The following EPS15L1 variants were observed in gnomAD, a reference collection of about 807,000 sequenced individuals.
EPS15L1 encodes the protein epidermal growth factor receptor substrate 15-like 1.
Under a neutral mutation model 117.1 loss-of-function variants are expected in EPS15L1, and 43 were observed. The observed-to-expected ratio is 0.37, with a 90% CI of 0.29 to 0.47. The LOEUF is 0.47. EPS15L1 is among the 20% of genes least tolerant of loss of function. The pLI, the probability that EPS15L1 is intolerant of heterozygous loss-of-function variation, is 0.99. For missense variants in EPS15L1, 981 were observed against 1,164.0 expected (o/e 0.84, Z 2.29); for synonymous variants, 459 against 470.5 (o/e 0.98, Z 0.32).
At chr19:16,375,243 T>C (rs1279186522) in intron 22 of EPS15L1, among the ~76,000 whole-genome samples, 2 of 152,204 alleles carry the variant, frequency 1.3e-5, no homozygotes, top group East Asian at 1.9e-4. Context: ...ATGCAGTATG[T>C]ATGTGAATGC....
At chr19:16,398,707 C>T (rs536852305) in intron 16 of EPS15L1, among the ~76,000 whole-genome samples, 2 of 152,170 alleles carry the variant, frequency 1.3e-5, no homozygotes, top group Non-Finnish European at 2.9e-5. Context: ...AGGGCAATGG[C>T]TATTCACAGG....
intron 7 of EPS15L1, among the ~76,000 whole-genome samples, chr19:16,432,364 C>T (rs373018392): frequency 5.3e-5 from 8 of 152,074 alleles, no homozygotes; most frequent in Non-Finnish European, 8.8e-5. Context: ...GTCAGGAGAT[C>T]GAGACCATCC....
chr19:16,408,487 CAAAATTTTG>C (rs761118329), intron 13 of EPS15L1, among the ~76,000 whole-genome samples: 3,698 of 152,010 alleles, frequency 0.024, 120 homozygotes, highest in Admixed American at 0.086. Context: ...CAAATTTTTA[CAAAATTTTG>C]TAAAAATACA....
At chr19:16,378,540 G>A (rs1159551342) in intron 21 of EPS15L1, among the ~76,000 whole-genome samples, 1 of 152,036 alleles carries the variant, frequency 6.6e-6, no homozygotes, top group African/African-American at 2.4e-5. Context: ...TGCCACCCAC[G>A]CCTGCACTGC....
chr19:16,417,837 G>A lies in EPS15L1; in HGVS notation c.1107+111C>T, dbSNP rs529096771. On this transcript the variant is annotated intron_variant, in intron 11 of 23. Coordinates refer to ENST00000455140, the MANE Select transcript of EPS15L1 (RefSeq NM_001258374.3). ...GGGGGCCCCTGTTGAGGAAGGCAGG[G>A]ACCACAGGCAGCACCCGCCACCGTG... 208 of 1,441,798 alleles carry A rather than the reference G, an allele frequency of 1.4e-4. 1 individual carries two copies. In the South Asian group the frequency reaches 2.0e-3, roughly 14 times the overall value. 89.3% of individuals were successfully genotyped at this position (1,441,798 alleles called of 1,614,324 possible).
chr19:16,427,398 C>T (rs1239906064), intron 8 of EPS15L1, among the ~76,000 whole-genome samples: 2 of 152,162 alleles, frequency 1.3e-5, no homozygotes, highest in Admixed American at 6.5e-5. Context: ...GTGTATTACA[C>T]TTACTGGTTC....
At chr19:16,432,172 G>A (rs369243617) in intron 7 of EPS15L1, among the ~76,000 whole-genome samples, 3 of 152,134 alleles carry the variant, frequency 2.0e-5, no homozygotes, top group South Asian at 4.1e-4. Context: ...GGTGGCTCAC[G>A]CTTGTAATCC....
intron 19 of EPS15L1, among the ~76,000 whole-genome samples, chr19:16,386,814 A>G (rs957779425): frequency 6.6e-6 from 1 of 152,202 alleles, no homozygotes; most frequent in Non-Finnish European, 1.5e-5. Context: ...CTGAGCTGGG[A>G]TTGGAGCTTC....
intron 1 of EPS15L1, among the ~76,000 whole-genome samples, chr19:16,457,275 C>G (rs1328187146): frequency 2.0e-5 from 3 of 152,196 alleles, no homozygotes; most frequent in Non-Finnish European, 4.4e-5. Flanking sequence ...CATTCCCCAC[C>G]CACAGCCTCA....
intron 16 of EPS15L1, among the ~76,000 whole-genome samples, chr19:16,397,337 C>A (rs985925798): frequency 6.6e-6 from 1 of 152,046 alleles, no homozygotes; most frequent in Admixed American, 6.6e-5. Context: ...TAATCCACCC[C>A]CCTCGGCCTC....
chr19:16,444,932 G>C (rs1037872060), intron 1 of EPS15L1, among the ~76,000 whole-genome samples: 7 of 152,022 alleles, frequency 4.6e-5, no homozygotes, highest in Non-Finnish European at 1.5e-5. Flanking sequence ...TCACCATATT[G>C]GCCAGGCTGG....
At chr19:16,431,576 A>C (rs2092927914) in intron 7 of EPS15L1, among the ~76,000 whole-genome samples, 1 of 152,164 alleles carries the variant, frequency 6.6e-6, no homozygotes, top group South Asian at 2.1e-4. Flanking sequence ...TGCTGGGATT[A>C]CATGCGTGAG....
chr19:16,355,554 C>T lies in EPS15L1; in HGVS notation c.*151G>A. 1 of 1,003,594 alleles carries T rather than the reference C, an allele frequency of 1.0e-6. No homozygotes were observed. The highest frequency in any genetic ancestry group is 1.4e-6 in the Non-Finnish European group (1 of 705,788). The allele number at this position is 1,003,594 out of a possible 1,614,324, so 62.2% of individuals were successfully genotyped here. A position where few individuals can be genotyped will look rare whatever the true frequency, so the allele number is the denominator to read the frequency against. On this transcript the variant is annotated 3_prime_UTR_variant, in exon 24 of 24. Coordinates refer to ENST00000455140, the MANE Select transcript of EPS15L1 (RefSeq NM_001258374.3). Reference sequence around the variant, plus strand: ...CCCAGGAGATGTGACCTTTCCAGGTCTTGCAGCCGAGTCTGCTCACCCTGA... The same window carrying T: ...CCCAGGAGATGTGACCTTTCCAGGTTTTGCAGCCGAGTCTGCTCACCCTGA...
chr19:16,425,484 G>A (rs1308958353), intron 8 of EPS15L1, among the ~76,000 whole-genome samples, 168 bp from the exon 9 acceptor site: 1 of 152,228 alleles, frequency 6.6e-6, no homozygotes, highest in African/African-American at 2.4e-5. Context: ...TATCTTTTAT[G>A]TGTAACTTTC....
At chr19:16,444,219 G>GA (rs1319679782) in intron 1 of EPS15L1, among the ~76,000 whole-genome samples, 3 of 148,780 alleles carry the variant, frequency 2.0e-5, no homozygotes, top group Admixed American at 6.7e-5. Context: ...TGAAAAGGCA[G>GA]AAAAAACTAG....
chr19:16,450,697 G>T (rs1311638563), intron 1 of EPS15L1, among the ~76,000 whole-genome samples: 1 of 151,878 alleles, frequency 6.6e-6, no homozygotes, highest in African/African-American at 2.4e-5. Flanking sequence ...TGGCCAGGAT[G>T]GTCTCGCCCT....
chr19:16,435,759 G>A (rs149707799), intron 6 of EPS15L1, among the ~76,000 whole-genome samples: 57 of 152,224 alleles, frequency 3.7e-4, no homozygotes, highest in African/African-American at 1.3e-3. Context: ...CTTCGGGCTT[G>A]TTCTTTCTGA....
At chr19:16,452,821 G>T (rs1483698345) in intron 1 of EPS15L1, among the ~76,000 whole-genome samples, 1 of 151,050 alleles carries the variant, frequency 6.6e-6, no homozygotes, top group Non-Finnish European at 1.5e-5. Context: ...TTTTGAGATG[G>T]AGTCTCGCTC....
At chr19:16,467,908 T>C (rs1010135683) in intron 1 of EPS15L1, among the ~76,000 whole-genome samples, 1 of 152,152 alleles carries the variant, frequency 6.6e-6, no homozygotes, top group Non-Finnish European at 1.5e-5. Context: ...GGGTCTTGGT[T>C]TCCTCACTTG....
Sources: allele counts gnomAD v4.1 joint callset (sites outside exome capture counted in the v4.1 genomes callset), GRCh38; gene constraint gnomAD v4.1.1; transcripts MANE v1.5; gene names NCBI Gene and HGNC (gene_info 2026-07-23, HGNC 2026-07-21).